NKAIN2: variants seen among roughly 807,000 people sequenced by gnomAD.
The protein encoded by NKAIN2 is sodium/potassium-transporting ATPase subunit beta-1-interacting protein 2.
A neutral mutation model predicts 32.6 loss-of-function variants in NKAIN2; 14 were observed. The observed-to-expected ratio is 0.43, with a 90% confidence interval of 0.28 to 0.67. NKAIN2 has a LOEUF of 0.67. Among genes scored for constraint, NKAIN2 ranks in the 30% least tolerant of loss-of-function variants. The pLI, the probability that NKAIN2 is intolerant of heterozygous loss-of-function variation, is 0.17. For synonymous variants in NKAIN2, 80 were observed against 87.2 expected (o/e 0.92, Z 0.46); for missense variants, 198 against 258.3 (o/e 0.77, Z 1.60).
At chr6:123,969,927 A>G (rs999008466) in intron 1 of NKAIN2, among the ~76,000 whole-genome samples, 1 of 152,220 alleles carries the variant, frequency 6.6e-6, no homozygotes, top group African/African-American at 2.4e-5. Context: ...ACATTCACTT[A>G]TAGTGGATAT....
chr6:124,413,708 C>A (rs182340325), intron 3 of NKAIN2, among the ~76,000 whole-genome samples: 14 of 152,230 alleles, frequency 9.2e-5, no homozygotes, highest in African/African-American at 3.1e-4. Context: ...CTTACTTTGT[C>A]ATCTTCAATT....
chr6:124,348,432 C>T (rs1258339285), intron 2 of NKAIN2, among the ~76,000 whole-genome samples: 2 of 152,204 alleles, frequency 1.3e-5, no homozygotes, highest in Admixed American at 6.5e-5. Flanking sequence ...GTCCTGCCCC[C>T]AGAGGTGGAG....
intron 1 of NKAIN2, among the ~76,000 whole-genome samples, chr6:123,851,926 AT>A (rs1267711794): frequency 1.3e-5 from 2 of 151,286 alleles, no homozygotes; most frequent in African/African-American, 4.9e-5. Flanking sequence ...TTTTATTTTT[AT>A]TTTTTTTGCT....
chr6:124,601,913 G>T (rs1782321674), intron 3 of NKAIN2, among the ~76,000 whole-genome samples: 1 of 151,858 alleles, frequency 6.6e-6, no homozygotes, highest in Admixed American at 6.6e-5. Flanking sequence ...CAGTAACTTA[G>T]GTCCAACCAT....
intron 1 of NKAIN2, among the ~76,000 whole-genome samples, chr6:124,125,078 T>C (rs902449870): frequency 9.9e-5 from 15 of 152,216 alleles, no homozygotes; most frequent in African/African-American, 3.6e-4. Context: ...TTGTTCTACC[T>C]GCTGGGTTGC....
intron 5 of NKAIN2, among the ~76,000 whole-genome samples, chr6:124,816,337 G>A (rs575785080): frequency 1.9e-4 from 29 of 152,172 alleles, no homozygotes; most frequent in African/African-American, 6.7e-4. Flanking sequence ...AAACTGTTAC[G>A]GTACTCTAAT....
chr6:124,537,864 C>T (rs1456619602), intron 3 of NKAIN2, among the ~76,000 whole-genome samples: 1 of 152,196 alleles, frequency 6.6e-6, no homozygotes, highest in Non-Finnish European at 1.5e-5. Context: ...CTGAGTTTCA[C>T]ACTGCTACAT....
At chr6:124,396,029 G>A (rs903444611) in intron 3 of NKAIN2, among the ~76,000 whole-genome samples, 1 of 152,076 alleles carries the variant, frequency 6.6e-6, no homozygotes, top group East Asian at 1.9e-4. Context: ...GCCCTCAGGA[G>A]CTTATAATCT....
At chr6:124,478,518 A>G (rs1485577273) in intron 3 of NKAIN2, among the ~76,000 whole-genome samples, 1 of 152,142 alleles carries the variant, frequency 6.6e-6, no homozygotes, top group Middle Eastern at 3.2e-3. Flanking sequence ...GTGCATGTGC[A>G]CACACACACA....
Position 124,197,922 on chromosome 6 carries a change from A to T in NKAIN2, c.55-85083A>T, listed in dbSNP as rs1335475421. Among the ~76,000 whole-genome samples the T allele has an allele frequency of 4.9e-5, 7 of 143,050 alleles. No individual in the cohort carries two copies. In the Admixed American group the frequency reaches 5.2e-4, roughly 11 times the overall value. 93.8% of individuals were successfully genotyped at this position (143,050 alleles called of 152,430 possible). ...ATTACCAACAGCATTCCATTATTATATAGCTCCAGAAACTCAGTACCAACT... is the reference window on the plus strand; with the variant it reads ...ATTACCAACAGCATTCCATTATTATTTAGCTCCAGAAACTCAGTACCAACT... On this transcript the variant is annotated intron_variant, in intron 1 of 6. Coordinates refer to ENST00000368417, the MANE Select transcript of NKAIN2 (RefSeq NM_001040214.3).
chr6:124,739,824 C>G (rs559431750), intron 4 of NKAIN2, among the ~76,000 whole-genome samples: 2 of 151,974 alleles, frequency 1.3e-5, no homozygotes, highest in East Asian at 3.9e-4. Flanking sequence ...TCCTTTTATC[C>G]TGGATTTATA....
intron 3 of NKAIN2, among the ~76,000 whole-genome samples, chr6:124,466,292 G>C (rs1176442782): frequency 1.3e-5 from 2 of 152,110 alleles, no homozygotes; most frequent in Non-Finnish European, 2.9e-5. Context: ...GCTACTCTAA[G>C]TAGCAAAGCA....
intron 1 of NKAIN2, among the ~76,000 whole-genome samples, chr6:124,264,544 C>T (rs1397910300): frequency 2.6e-5 from 4 of 152,042 alleles, no homozygotes; most frequent in Admixed American, 1.3e-4. Flanking sequence ...TTCAAATGGC[C>T]AATTGCTTCT....
At chr6:124,200,854 T>C (rs1037787170) in intron 1 of NKAIN2, among the ~76,000 whole-genome samples, 3 of 152,042 alleles carry the variant, frequency 2.0e-5, no homozygotes, top group African/African-American at 4.8e-5. Flanking sequence ...GTTTGTATAG[T>C]AGGGGGTAAA....
At chr6:123,823,795 G>A (rs988566756) in intron 1 of NKAIN2, among the ~76,000 whole-genome samples, 1 of 152,146 alleles carries the variant, frequency 6.6e-6, no homozygotes, top group Admixed American at 6.5e-5. Flanking sequence ...CCAGAAGGGT[G>A]AAACACTGAA....
At chr6:124,096,553 C>T (rs1303685580) in intron 1 of NKAIN2, among the ~76,000 whole-genome samples, 2 of 152,132 alleles carry the variant, frequency 1.3e-5, no homozygotes. Flanking sequence ...TTAAGGCTTT[C>T]TCCATGTTCA....
intron 4 of NKAIN2, among the ~76,000 whole-genome samples, chr6:124,687,107 G>A (rs1236029769): frequency 6.7e-6 from 1 of 150,182 alleles, no homozygotes; most frequent in East Asian, 2.0e-4. Flanking sequence ...TTGTGAACAT[G>A]TAAGTTAATA....
At chr6:124,106,028 G>C (rs866694099) in intron 1 of NKAIN2, among the ~76,000 whole-genome samples, 48 of 152,100 alleles carry the variant, frequency 3.2e-4, no homozygotes, top group African/African-American at 1.1e-3. Flanking sequence ...TGGTAGAAAA[G>C]GGATTTGAAC....
intron 4 of NKAIN2, among the ~76,000 whole-genome samples, chr6:124,670,276 G>C (rs1318021326): frequency 6.6e-6 from 1 of 151,896 alleles, no homozygotes; most frequent in Non-Finnish European, 1.5e-5. Flanking sequence ...CATTTTTATG[G>C]TAGACAATGC....
Sources: gnomAD v4.1 joint callset for allele counts (sites outside exome capture counted in the v4.1 genomes callset) on GRCh38, gnomAD v4.1.1 for gene constraint, MANE v1.5 for transcripts, NCBI Gene and HGNC (gene_info 2026-07-23, HGNC 2026-07-21) for gene names.